Variants in PLXNB1 observed in about 807,000 individuals in gnomAD.
PLXNB1 encodes the protein plexin B1.
In PLXNB1, 106 loss-of-function variants were observed where a neutral mutation model predicts 209.4. That is an observed-to-expected ratio of 0.51 (90% CI 0.43 to 0.59). The LOEUF (loss-of-function observed/expected upper bound fraction) is 0.59. PLXNB1 is among the 20% of genes least tolerant of loss of function. The pLI, the probability that PLXNB1 is intolerant of heterozygous loss-of-function variation, is 0.00. For missense variants in PLXNB1, 2,357 were observed against 2,853.2 expected (o/e 0.83, Z 3.96); for synonymous variants, 1,167 against 1,183.2 (o/e 0.99, Z 0.28).
rs1228188656 is a variant in PLXNB1 at position 48,419,277 on chromosome 3, G to C, written c.2799C>G (p.Ile933Met). The change falls in exon 12 of 38, where the codon ATC (isoleucine) becomes ATG (methionine). Residue 933 changes from isoleucine to methionine, a missense_variant. Physicochemically the swap from Ile to Met is conservative, Grantham distance 10. Around this residue, in one of 7 missense-constraint regions of PLXNB1, gnomAD observed 410 missense variants for 401.0 expected, o/e 1.02. Coordinates refer to ENST00000296440, the MANE Select transcript of PLXNB1 (RefSeq NM_001130082.3). The surrounding 1 kb of genome is among the most constrained non-coding windows in gnomAD (Gnocchi z 5.7). The part of the protein sequence containing the change: ...TLMPVHVERE[I>M]RLLGRNLHLF... ...GGTGCAGGTTCCTGCCTAGCAGCCGGATTTCCCGCTCCACATGGACCGGCA... is the reference window on the plus strand; with the variant it reads ...GGTGCAGGTTCCTGCCTAGCAGCCGCATTTCCCGCTCCACATGGACCGGCA... 1.9e-6 allele frequency: 3 copies of C among 1,595,168 alleles called. No homozygotes were observed. The highest frequency in any genetic ancestry group is 2.6e-6 in the Non-Finnish European group (3 of 1,167,982).
In PLXNB1 at chr3:48,420,694, C is replaced by T; in HGVS notation, c.1999G>A (p.Asp667Asn). 1 of 1,613,964 alleles carries T rather than the reference C, an allele frequency of 6.2e-7. No individual in the cohort carries two copies. Among genetic ancestry groups the T allele is most frequent in the Non-Finnish European group, 8.5e-7 (1 of 1,179,958 alleles). The change falls in exon 10 of 38, where the codon GAT becomes AAT. Residue 667 changes from aspartate to asparagine, a missense_variant. Around this residue, in one of 7 missense-constraint regions of PLXNB1, gnomAD observed 214 missense variants for 297.1 expected, o/e 0.72. Coordinates refer to ENST00000296440, the MANE Select transcript of PLXNB1 (RefSeq NM_001130082.3). ...TGGCTTGCAACCATGGGCCCAGCAT[C>T]ACACGAGGCCTTGTGGGTGCACAGG... ...QHLCTHKASC[D>N]AGPMVASHQS...
At chr3:48,414,228 A>C (rs539171405) in intron 21 of PLXNB1, among the ~76,000 whole-genome samples, 157 bp from the exon 22 acceptor site, 4 of 152,226 alleles carry the variant, frequency 2.6e-5, no homozygotes, top group African/African-American at 9.6e-5. Context: ...GTGTCCTCCA[A>C]GCTGCTCCTC....
rs2038496106 is a variant in PLXNB1, at chr3:48,421,217, C to G, written c.1810+11G>C. On this transcript the variant is annotated intron_variant, in intron 8 of 37. Transcript: ENST00000296440. Reference sequence around the variant, plus strand: ...CTGGCCCCCACCAGGCTGGCCCATTCTCTCACCCACCGGCTCCTCTCGGCA... The same window carrying G: ...CTGGCCCCCACCAGGCTGGCCCATTGTCTCACCCACCGGCTCCTCTCGGCA... 2.5e-6 allele frequency: 4 copies of G among 1,612,316 alleles called. No individual in the cohort carries two copies. Among genetic ancestry groups the G allele is most frequent in the Middle Eastern group, 1.7e-4 (1 of 5,898 alleles).
At chr3:48,427,770 C>T (rs977679366) in intron 1 of PLXNB1, among the ~76,000 whole-genome samples, 6 of 152,210 alleles carry the variant, frequency 3.9e-5, no homozygotes, top group Admixed American at 3.3e-4. Flanking sequence ...CACCAACCAT[C>T]CTCTCCCTGG....
chr3:48,416,376 A>C lies in PLXNB1; in HGVS notation c.3450T>G (p.Arg1150=). ...ATAVEVPGRG[R]GVSEHDFAYQ... ...AGGCAAAGTCGTGTTCTGAGACACC[A>C]CGTCCTCTTCCCGGCACCTCCACCG... Residue 1150 remains arginine (R), a synonymous_variant, in exon 17 of 38, where the codon CGT becomes CGG. Transcript: ENST00000296440. The surrounding 1 kb of genome is among the most constrained non-coding windows in gnomAD (Gnocchi z 4.1). 6.2e-7 allele frequency: 1 copy of C among 1,612,980 alleles called. No homozygotes were observed. The highest frequency in any genetic ancestry group is 8.5e-7 in the Non-Finnish European group (1 of 1,179,830).
rs918977513 is a variant in PLXNB1, at chr3:48,411,480, G to A, written c.5247+383C>T. On this transcript the variant is annotated intron_variant, in intron 28 of 37. Coordinates refer to ENST00000296440, the MANE Select transcript of PLXNB1 (RefSeq NM_001130082.3). The surrounding 1 kb of genome is among the most constrained non-coding windows in gnomAD (Gnocchi z 4.0). ...TAACTAAGGGGAAAGCAAACCCAGAGAGAAGTGCCTGCCAGAGTGAGGCTG... is the reference window on the plus strand; with the variant it reads ...TAACTAAGGGGAAAGCAAACCCAGAAAGAAGTGCCTGCCAGAGTGAGGCTG... Among the ~76,000 whole-genome samples, 3 of 152,202 alleles carry A rather than the reference G, an allele frequency of 2.0e-5. No individual in the cohort carries two copies. The highest frequency in any genetic ancestry group is 2.9e-5 in the Non-Finnish European group (2 of 68,034).
chr3:48,418,412 C>T lies in PLXNB1; in HGVS notation c.3049+37G>A. On this transcript the variant is annotated intron_variant, in intron 14 of 37. Transcript: ENST00000296440. This position sits in a 1 kb window ranked among gnomAD's most constrained non-coding sequence, Gnocchi z 6.6. ...GAGAGGCAGGCCTGGGAGAGCCCTG[C>T]TACCACCGCCAGCCCAGCAGCCCGC... 6.2e-7 allele frequency: 1 copy of T among 1,612,880 alleles called. No individual in the cohort carries two copies. Among genetic ancestry groups the T allele is most frequent in the South Asian group, 1.1e-5 (1 of 91,052 alleles).
At position 48,407,105 on chromosome 3, in the gene PLXNB1, G is replaced by A; in HGVS notation, c.6088-14C>T. 1 of 1,612,580 alleles carries A rather than the reference G, an allele frequency of 6.2e-7. No homozygotes were observed. Among genetic ancestry groups the A allele is most frequent in the East Asian group, 2.2e-5 (1 of 44,854 alleles). ...GATCGGGGAGTCCTGGACATAGCAG[G>A]AGGACAGCAAAAGAGGAAGGAAGGA... is the stretch of plus-strand genomic sequence containing the variant. On this transcript the variant is annotated splice_polypyrimidine_tract_variant and intron_variant, in intron 34 of 37. Transcript: ENST00000296440.
At position 48,413,898 on chromosome 3, in the gene PLXNB1, G is replaced by A. The variant is rs2037875867; in HGVS notation, c.4383C>T (p.Phe1461=). Residue 1461 remains phenylalanine, a synonymous_variant, in exon 22 of 38, where the codon TTC becomes TTT. Transcript: ENST00000296440. The surrounding 1 kb of genome is among the most constrained non-coding windows in gnomAD (Gnocchi z 5.4). The part of the protein sequence containing the change: ...LREAPDSLPE[F]TVQMGNLRFS... ...GGCCAGGGACCTGCCCACTGACCGT[G>A]AACTCAGGCAAAGAGTCAGGTGCCT... 7 of 1,608,440 alleles carry A rather than the reference G, an allele frequency of 4.4e-6. No individual in the cohort carries two copies. Among genetic ancestry groups the A allele is most frequent in the South Asian group, 1.1e-5 (1 of 90,670 alleles).
chr3:48,422,759 G>A lies in PLXNB1; in HGVS notation c.1290+6C>T. The A allele has an allele frequency of 6.2e-7, 1 of 1,612,596 alleles. No individual in the cohort carries two copies. Among genetic ancestry groups the A allele is most frequent in the South Asian group, 1.1e-5 (1 of 90,830 alleles). ...GGGCAGGGGCCAGTACTTCCTGTGG[G>A]CTCACCCTGTGCAGCTGCCCTTGAC... On this transcript the variant is annotated splice_donor_region_variant and intron_variant, in intron 4 of 37. Coordinates refer to ENST00000296440, the MANE Select transcript of PLXNB1 (RefSeq NM_001130082.3).
upstream of PLXNB1, chr3:48,430,131 G>T (rs2039122052): frequency 6.6e-6 from 1 of 152,600 alleles, no homozygotes; most frequent in South Asian, 2.1e-4. Context: ...ACCTCTGGCT[G>T]TTTGAGAAGA....
At chr3:48,427,075 G>A (rs1307141345) in intron 1 of PLXNB1, among the ~76,000 whole-genome samples, 5 of 152,130 alleles carry the variant, frequency 3.3e-5, no homozygotes, top group South Asian at 2.1e-4. Context: ...AGCCTACTGC[G>A]TGCCAAAGTT....
At position 48,418,112 on chromosome 3, in the gene PLXNB1, C is replaced by G; in HGVS notation, c.3223-50G>C. On this transcript the variant is annotated intron_variant, in intron 15 of 37. Coordinates refer to ENST00000296440, the MANE Select transcript of PLXNB1 (RefSeq NM_001130082.3). The surrounding 1 kb of genome is among the most constrained non-coding windows in gnomAD (Gnocchi z 6.6). ...CCTCTACTCAACTGGAAAGGCAGCC[C>G]CAACCTCCCACCTTTGGGCCCCCAC... The G allele has an allele frequency of 6.2e-7, 1 of 1,607,366 alleles. No individual in the cohort carries two copies.
rs1181975776 is a variant in PLXNB1 at position 48,415,419 on chromosome 3, C to T, written c.3795-72G>A. ...CTGGACCTAAAGCACAGCCCAGTCC[C>T]GGCTAGGTCAGCTCAGCCCCAGCCC... On this transcript the variant is annotated intron_variant, in intron 19 of 37. Coordinates refer to ENST00000296440, the MANE Select transcript of PLXNB1 (RefSeq NM_001130082.3). The surrounding 1 kb of genome is among the most constrained non-coding windows in gnomAD (Gnocchi z 5.0). The T allele has an allele frequency of 2.5e-5, 38 of 1,522,394 alleles. No homozygotes were observed. Among genetic ancestry groups the T allele is most frequent in the Non-Finnish European group, 3.3e-5 (37 of 1,118,150 alleles). 94.3% of individuals were successfully genotyped at this position (1,522,394 alleles called of 1,614,324 possible).
chr3:48,419,155 TCTGCC>T lies in PLXNB1; in HGVS notation c.2832+84_2832+88del. The T allele has an allele frequency of 6.4e-7, 1 of 1,557,752 alleles. No individual in the cohort carries two copies. Reference sequence around the variant, plus strand: ...CTGGGTTGGAGTTGAGCCCTCGGACTCTGCCCTCCTCCTGCTCCCCAGGGCTTGTG... The same window carrying T: ...CTGGGTTGGAGTTGAGCCCTCGGACTCTCCTCCTGCTCCCCAGGGCTTGTG... On this transcript the variant is annotated intron_variant, in intron 12 of 37. Transcript: ENST00000296440. The surrounding 1 kb of genome is among the most constrained non-coding windows in gnomAD (Gnocchi z 5.7).
At chr3:48,423,207 C>G (rs968286688) in intron 3 of PLXNB1, among the ~76,000 whole-genome samples, 1 of 152,136 alleles carries the variant, frequency 6.6e-6, no homozygotes, top group Non-Finnish European at 1.5e-5. Context: ...TCATTCCATT[C>G]TAGGTCCCTG....
In PLXNB1 at chr3:48,412,343, T is replaced by C. The variant is rs934563610; in HGVS notation, c.5034-39A>G. On this transcript the variant is annotated intron_variant, in intron 26 of 37. Transcript: ENST00000296440. The stretch of plus-strand genomic sequence containing the variant: ...AAAGGGGAGTGCCAGGGTCAGCAGG[T>C]GGGGCTGCGGGCCTCTCTATCCTGC... The C allele has an allele frequency of 6.2e-6, 10 of 1,612,304 alleles. No homozygotes were observed. The African/African-American group carries it at 1.3e-4, about 22-fold the overall frequency.
At position 48,413,544 on chromosome 3, in the gene PLXNB1, A is replaced by G. The variant is rs138423906; in HGVS notation, c.4535+126T>C. 1.2e-3 allele frequency: 1,292 copies of G among 1,084,690 alleles called. 9 individuals carry two copies. In the African/African-American group the frequency reaches 0.018, roughly 15 times the overall value. 67.2% of individuals were successfully genotyped at this position (1,084,690 alleles called of 1,614,324 possible). A position where few individuals can be genotyped will look rare whatever the true frequency, so the allele number is the denominator to read the frequency against. ...TGAACAGAGACCACTTGGCCTGCAA[A>G]GCGAAAATATTTACTCTCTGGCCAT... On this transcript the variant is annotated intron_variant, in intron 23 of 37. Coordinates refer to ENST00000296440, the MANE Select transcript of PLXNB1 (RefSeq NM_001130082.3). This position sits in a 1 kb window ranked among gnomAD's most constrained non-coding sequence, Gnocchi z 5.4.
Position 48,419,375 on chromosome 3 carries a change from A to C in PLXNB1, c.2710-9T>G, listed in dbSNP as rs1340671409. ...CCCAAGGTCGCCTCTTCCTGCAGGC[A>C]CCAAGGGCAAGGCAGTCTATGGAGC... On this transcript the variant is annotated splice_polypyrimidine_tract_variant and intron_variant, in intron 11 of 37. Transcript: ENST00000296440. This position sits in a 1 kb window ranked among gnomAD's most constrained non-coding sequence, Gnocchi z 5.7. 1 of 1,550,626 alleles carries C rather than the reference A, an allele frequency of 6.4e-7. No individual in the cohort carries two copies. The highest frequency in any genetic ancestry group is 8.7e-7 in the Non-Finnish European group (1 of 1,146,040).
Sources: gnomAD v4.1 joint callset for allele counts (sites outside exome capture counted in the v4.1 genomes callset) on GRCh38, gnomAD v4.1.1 for gene constraint, gnomAD v4.1.1 regional missense constraint, Gnocchi (gnomAD v3.1) non-coding constraint, MANE v1.5 for transcripts, NCBI Gene and HGNC (gene_info 2026-07-23, HGNC 2026-07-21) for gene names.